CTNNA3: variants seen among roughly 807,000 people sequenced by gnomAD.
The protein encoded by CTNNA3 is catenin alpha-3.
A neutral mutation model predicts 95.7 loss-of-function variants in CTNNA3; 76 were observed. The observed-to-expected ratio is 0.79, with a 90% CI of 0.66 to 0.96. The LOEUF (loss-of-function observed/expected upper bound fraction) is 0.96. Among genes scored for constraint, CTNNA3 ranks in the 40% least tolerant of loss-of-function variants. The probability of loss-of-function intolerance (pLI) is 0.00; values close to 1 mark genes in which losing one functional copy is unlikely to be tolerated. For missense variants in CTNNA3, 1,191 were observed against 1,089.8 expected (o/e 1.09, Z -1.31); for synonymous variants, 431 against 374.4 (o/e 1.15, Z -1.74).
chr10:66,343,452 T>C (rs1213304704), intron 12 of CTNNA3, among the ~76,000 whole-genome samples: 1 of 152,034 alleles, frequency 6.6e-6, no homozygotes, highest in Non-Finnish European at 1.5e-5. Flanking sequence ...TAGGACATTA[T>C]GTTGCGTGAA....
chr10:65,953,367 T>A (rs1395921078), intron 17 of CTNNA3, among the ~76,000 whole-genome samples: 3 of 151,250 alleles, frequency 2.0e-5, no homozygotes, highest in Admixed American at 2.0e-4. Context: ...TTTTATATAC[T>A]CACCTCTTTT....
intron 12 of CTNNA3, among the ~76,000 whole-genome samples, chr10:66,294,842 T>G (rs991808978): frequency 1.3e-5 from 2 of 151,656 alleles, no homozygotes; most frequent in East Asian, 1.9e-4. Flanking sequence ...TCACGTTGAG[T>G]TTCAGGTAAG....
rs1049928119 is a variant in CTNNA3, at chr10:67,732,856, C to T, written c.-2+30578G>A. 6.6e-5 allele frequency among the ~76,000 whole-genome samples: 10 copies of T among 150,816 alleles called. No homozygotes were observed. In the East Asian group the frequency reaches 1.4e-3, roughly 20 times the overall value. The stretch of plus-strand genomic sequence containing the variant: ...ATTAGGTTAAAGATGGCAAATTGAA[C>T]GTAGCCTTCTCCCTCTTTCTCTCAC... On this transcript the variant is annotated intron_variant, in intron 1 of 17. Transcript: ENST00000684154.
At chr10:67,744,508 TG>T (rs2131742679) in intron 1 of CTNNA3, among the ~76,000 whole-genome samples, 1 of 151,388 alleles carries the variant, frequency 6.6e-6, no homozygotes, top group Non-Finnish European at 1.5e-5. Flanking sequence ...CAATTCAAGA[TG>T]GATTAAAGAC....
intron 5 of CTNNA3, among the ~76,000 whole-genome samples, chr10:67,303,807 T>C (rs1840426541): frequency 1.3e-5 from 2 of 152,192 alleles, no homozygotes; most frequent in Non-Finnish European, 2.9e-5. Context: ...CTTGTTTCCA[T>C]GCCGCATCTG....
At chr10:67,011,037 A>G (rs1385582127) in intron 7 of CTNNA3, among the ~76,000 whole-genome samples, 2 of 152,144 alleles carry the variant, frequency 1.3e-5, no homozygotes, top group Admixed American at 6.5e-5. Context: ...TTTGTCAACT[A>G]TGTCAATATA....
intron 15 of CTNNA3, among the ~76,000 whole-genome samples, chr10:66,062,952 T>A (rs954738209): frequency 6.6e-6 from 1 of 152,060 alleles, no homozygotes; most frequent in Non-Finnish European, 1.5e-5. Flanking sequence ...TACAACTTGA[T>A]TCAGAGTATG....
chr10:66,803,362 C>G (rs1309475597), intron 7 of CTNNA3, among the ~76,000 whole-genome samples: 1 of 151,952 alleles, frequency 6.6e-6, no homozygotes, highest in Non-Finnish European at 1.5e-5. Flanking sequence ...ACCTACACAA[C>G]TCTCACTTCG....
chr10:66,623,553 C>G (rs1388899176), intron 9 of CTNNA3, among the ~76,000 whole-genome samples: 1 of 151,990 alleles, frequency 6.6e-6, no homozygotes, highest in East Asian at 1.9e-4. Flanking sequence ...TAATTTTATA[C>G]AACCCTCTAA....
At chr10:67,740,381 A>C (rs1841328858) in intron 1 of CTNNA3, among the ~76,000 whole-genome samples, 1 of 151,566 alleles carries the variant, frequency 6.6e-6, no homozygotes, top group South Asian at 2.1e-4. Context: ...AACCCACAAA[A>C]TGGGAGAAAA....
In CTNNA3 at chr10:65,943,286, G is replaced by A. The variant is rs181741978; in HGVS notation, c.2401-22669C>T. Among the ~76,000 whole-genome samples the A allele has an allele frequency of 4.6e-3, 693 of 152,006 alleles. 5 individuals are homozygous for A. The highest frequency in any genetic ancestry group is 0.022 in the East Asian group (111 of 5,158). ...TCACCATGTTAGCCAGGATGGTCTC[G>A]ATCTCCTGACCTCGTGATCCACCCA... On this transcript the variant is annotated intron_variant, in intron 17 of 17. Transcript: ENST00000433211.
chr10:67,625,696 G>A (rs192290591), intron 2 of CTNNA3, among the ~76,000 whole-genome samples: 1 of 152,168 alleles, frequency 6.6e-6, no homozygotes, highest in African/African-American at 2.4e-5. Flanking sequence ...ATATTCAAAG[G>A]AAACTTAAAA....
At chr10:66,853,397 A>G (rs552877718) in intron 7 of CTNNA3, among the ~76,000 whole-genome samples, 3 of 152,276 alleles carry the variant, frequency 2.0e-5, no homozygotes, top group South Asian at 2.1e-4. Context: ...TTTATGTGCA[A>G]TTAGTCAATT....
chr10:67,097,332 G>A (rs1192416640), intron 7 of CTNNA3, among the ~76,000 whole-genome samples: 2 of 151,828 alleles, frequency 1.3e-5, no homozygotes, highest in African/African-American at 4.8e-5. Flanking sequence ...ATCATTTTCA[G>A]AACCATGTAG....
chr10:66,446,753 G>C (rs1157866224), intron 11 of CTNNA3, among the ~76,000 whole-genome samples: 6 of 152,070 alleles, frequency 3.9e-5, no homozygotes, highest in Admixed American at 2.0e-4. Flanking sequence ...CATTCCCTTT[G>C]AAAACTGGCA....
intron 12 of CTNNA3, among the ~76,000 whole-genome samples, chr10:66,329,845 G>C (rs2092303609): frequency 6.6e-6 from 1 of 151,834 alleles, no homozygotes; most frequent in Admixed American, 6.6e-5. Context: ...CAAGTAATTG[G>C]ACTGTAAATT....
At chr10:67,630,810 A>G (rs1019346531) in intron 2 of CTNNA3, among the ~76,000 whole-genome samples, 2 of 152,242 alleles carry the variant, frequency 1.3e-5, no homozygotes, top group Admixed American at 1.3e-4. Flanking sequence ...CTTCAAAAAA[A>G]AACTTTACAA....
intron 13 of CTNNA3, among the ~76,000 whole-genome samples, chr10:66,145,486 C>T (rs1021594570): frequency 1.3e-5 from 2 of 152,076 alleles, no homozygotes; most frequent in African/African-American, 2.4e-5. Context: ...TTCCTGACAC[C>T]CAAATATCTC....
chr10:67,079,636 T>G (rs1301893797), intron 7 of CTNNA3, among the ~76,000 whole-genome samples: 1 of 151,948 alleles, frequency 6.6e-6, no homozygotes. Context: ...GATCACAAGG[T>G]CAGGAGTTCA....
Sources: gnomAD v4.1 joint callset for allele counts (sites outside exome capture counted in the v4.1 genomes callset) on GRCh38, gnomAD v4.1.1 for gene constraint, MANE v1.5 for transcripts, NCBI Gene and HGNC (gene_info 2026-07-23, HGNC 2026-07-21) for gene names.